Variants in LRRC66 observed in about 807,000 individuals in gnomAD.
The protein encoded by LRRC66 is leucine-rich repeat-containing protein 66.
LRRC66 carries 29 observed loss-of-function variants against 24.6 expected under a neutral mutation model. That is an observed-to-expected ratio of 1.18 (90% CI 0.88 to 1.61). The LOEUF is 1.61. Ranked by LOEUF, LRRC66 falls within the 40% of genes most tolerant of loss-of-function variation. The pLI, the probability that LRRC66 is intolerant of heterozygous loss-of-function variation, is 0.00. For missense variants in LRRC66, 1,124 were observed against 1,058.0 expected (o/e 1.06, Z -0.87); for synonymous variants, 411 against 397.6 (o/e 1.03, Z -0.40).
rs767042097 is a variant in LRRC66, at chr4:51,997,968, C to G, written c.667-31G>C. The stretch of plus-strand genomic sequence containing the variant: ...TGAGAAGAAACAAGTTTAGGATGGT[C>G]TGTGGATAAAGACATTTACAGATAA... On this transcript the variant is annotated intron_variant, in intron 3 of 4. Transcript: ENST00000682860. 1.0e-5 allele frequency: 16 copies of G among 1,577,042 alleles called. No individual in the cohort carries two copies. The East Asian group carries it at 1.3e-4, about 13-fold the overall frequency.
chr4:52,000,748 C>T (rs974571913), intron 3 of LRRC66, among the ~76,000 whole-genome samples: 1 of 152,158 alleles, frequency 6.6e-6, no homozygotes, highest in African/African-American at 2.4e-5. Context: ...ATCCTGCCGA[C>T]GGCCACGTGA....
At chr4:52,006,543 G>T (rs1323848982) in intron 2 of LRRC66, among the ~76,000 whole-genome samples, 2 of 138,694 alleles carry the variant, frequency 1.4e-5, no homozygotes, top group Non-Finnish European at 3.1e-5. Context: ...ACACTCTGGG[G>T]ACTGTTGTGG....
chr4:52,017,356 T>C lies in LRRC66; in HGVS notation c.258A>G (p.Lys86=), dbSNP rs965455194. 1 of 1,614,054 alleles carries C rather than the reference T, an allele frequency of 6.2e-7. No homozygotes were observed. The highest frequency in any genetic ancestry group is 1.3e-5 in the African/African-American group (1 of 74,932). Residue 86 remains lysine, a synonymous_variant, in exon 2 of 5, where the codon AAA becomes AAG. Coordinates refer to ENST00000682860, the MANE Select transcript of LRRC66 (RefSeq NM_001024611.3). Reference sequence around the variant, plus strand: ...TGTTACTGAGGTCCAGATGTTTTATTTTCCACTCTTCTTTTTTCGTGTGAG... The same window carrying C: ...TGTTACTGAGGTCCAGATGTTTTATCTTCCACTCTTCTTTTTTCGTGTGAG... ...LQSHTKKEEW[K]IKHLDLSNNL...
chr4:52,017,799 A>T, intron 1 of LRRC66, 181 bp from the exon 2 acceptor site: 1 of 985,344 alleles, frequency 1.0e-6, no homozygotes, highest in Non-Finnish European at 1.2e-6. Flanking sequence ...TGAAATAGCC[A>T]TAGTATAAAA....
At chr4:51,997,449 A>G (rs1736345884) in intron 4 of LRRC66, among the ~76,000 whole-genome samples, 10 of 152,228 alleles carry the variant, frequency 6.6e-5, no homozygotes, top group Admixed American at 6.5e-4. Flanking sequence ...TTGAGAATAA[A>G]GTTTGGTGTG....
In LRRC66 at chr4:51,996,155, C is replaced by G. The variant is rs771421340; in HGVS notation, c.867G>C (p.Glu289Asp). ...TGCTCTGGGGAGTGCCCCCGTTGGC[C>G]TCCTCACTCCCTGCAAGTGGGATTA... ...VICNRSIGSE[E>D]ANGGTPQSRI... The change falls in exon 5 of 5, where the codon GAG (glutamate) becomes GAC (aspartate). Residue 289 changes from glutamate to aspartate, a missense_variant. Transcript: ENST00000682860. The G allele has an allele frequency of 5.6e-6, 9 of 1,606,170 alleles. No homozygotes were observed. In the East Asian group the frequency reaches 2.0e-4, roughly 36 times the overall value.
At chr4:52,006,696 T>TATAATA (rs71660471) in intron 2 of LRRC66, among the ~76,000 whole-genome samples, 3 of 132,834 alleles carry the variant, frequency 2.3e-5, no homozygotes, top group Non-Finnish European at 4.7e-5. Context: ...AAACTTAAAG[T>TATAATA]ATAATAATAA....
intron 2 of LRRC66, among the ~76,000 whole-genome samples, chr4:52,014,506 C>T (rs2110202960): frequency 6.6e-6 from 1 of 152,226 alleles, no homozygotes; most frequent in South Asian, 2.1e-4. Context: ...ATGAGTAAAT[C>T]TTATATTATC....
At chr4:52,011,364 T>A (rs533919064) in intron 2 of LRRC66, among the ~76,000 whole-genome samples, 2 of 152,294 alleles carry the variant, frequency 1.3e-5, no homozygotes, top group East Asian at 3.9e-4. Flanking sequence ...TTGTTTTAAT[T>A]ATCTTGATAG....
intron 3 of LRRC66, among the ~76,000 whole-genome samples, chr4:52,000,432 C>G (rs1337744654): frequency 6.6e-6 from 1 of 152,126 alleles, no homozygotes; most frequent in Non-Finnish European, 1.5e-5. Context: ...TAGGATGGTC[C>G]CCAGTGATCC....
chr4:52,018,687 T>C (rs1361984542), intron 1 of LRRC66: 2 of 759,822 alleles, frequency 2.6e-6, no homozygotes, highest in Admixed American at 6.3e-5. Flanking sequence ...AAGGGCTCCT[T>C]ATTGCCTATA....
In LRRC66 at chr4:51,994,168, T is replaced by A; in HGVS notation, c.*211A>T. 1.9e-6 allele frequency: 1 copy of A among 538,058 alleles called. No homozygotes were observed. The highest frequency in any genetic ancestry group is 3.1e-5 in the East Asian group (1 of 31,888). The allele number at this position is 538,058 out of a possible 1,614,324, so 33.3% of individuals were successfully genotyped here. ...ACACTGAAGAGCAGGTTCATCCCCA[T>A]AGGATGTTAACAAGTGTGTTTAGCT... is the stretch of plus-strand genomic sequence containing the variant. On this transcript the variant is annotated 3_prime_UTR_variant, in exon 5 of 5. Transcript: ENST00000682860.
rs1736836804 is a variant in LRRC66 at position 52,017,294 on chromosome 4, T to C, written c.320A>G (p.Tyr107Cys). ...GTTTAACACTTCCAAAGCATGTAAATATGCAAAAGGGCTTAAGGTTATTTT... is the reference window on the plus strand; with the variant it reads ...GTTTAACACTTCCAAAGCATGTAAACATGCAAAAGGGCTTAAGGTTATTTT... ...ISKITLSPFAYLHALEVLNLS... is the reference protein window; with the variant it reads ...ISKITLSPFACLHALEVLNLS... The change falls in exon 2 of 5, where the codon TAT becomes TGT. Residue 107 changes from tyrosine (Y) to cysteine (C), a missense_variant. Transcript: ENST00000682860. 1 of 1,614,046 alleles carries C rather than the reference T, an allele frequency of 6.2e-7. No homozygotes were observed. Among genetic ancestry groups the C allele is most frequent in the Non-Finnish European group, 8.5e-7 (1 of 1,180,022 alleles).
intron 2 of LRRC66, among the ~76,000 whole-genome samples, chr4:52,008,592 A>T (rs1736635034): frequency 6.6e-6 from 1 of 152,182 alleles, no homozygotes; most frequent in Non-Finnish European, 1.5e-5. Flanking sequence ...TTCTTATCGG[A>T]AACAATGCAA....
rs749275252 is a variant in LRRC66, at chr4:52,003,204, A to T, written c.666+19T>A. 3 of 1,583,484 alleles carry T rather than the reference A, an allele frequency of 1.9e-6. No homozygotes were observed. In the African/African-American group the frequency reaches 4.1e-5, roughly 22 times the overall value. On this transcript the variant is annotated intron_variant, in intron 3 of 4. Coordinates refer to ENST00000682860, the MANE Select transcript of LRRC66 (RefSeq NM_001024611.3). ...CATGTGTCTTCCTTATTCAAATATT[A>T]TAAAAATGATTTTAGAACCTGTAAT...
chr4:52,002,336 A>G (rs1736472380), intron 3 of LRRC66, among the ~76,000 whole-genome samples: 1 of 152,158 alleles, frequency 6.6e-6, no homozygotes, highest in Admixed American at 6.5e-5. Context: ...GGCCTATACA[A>G]AGAATGGGAG....
chr4:52,012,196 A>G (rs1736721334), intron 2 of LRRC66, among the ~76,000 whole-genome samples: 1 of 151,208 alleles, frequency 6.6e-6, no homozygotes, highest in Non-Finnish European at 1.5e-5. Context: ...TAAAAACAGA[A>G]AAAAAAAAGG....
At position 51,994,730 on chromosome 4, in the gene LRRC66, C is replaced by T. The variant is rs778550001; in HGVS notation, c.2292G>A (p.Gly764=). 4 of 1,614,036 alleles carry T rather than the reference C, an allele frequency of 2.5e-6. No individual in the cohort carries two copies. The highest frequency in any genetic ancestry group is 1.3e-5 in the African/African-American group (1 of 74,918). The part of the protein sequence containing the change: ...EENVTFQTIP[G]KCKNQEDPFE... Reference sequence around the variant, plus strand: ...AGGGATCTTCTTGATTCTTGCATTTCCCTGGAATTGTTTGGAAGGTAACAT... The same window carrying T: ...AGGGATCTTCTTGATTCTTGCATTTTCCTGGAATTGTTTGGAAGGTAACAT... The change falls in exon 5 of 5, where the codon GGG becomes GGA. Residue 764 remains glycine (G), a synonymous_variant. Coordinates refer to ENST00000682860, the MANE Select transcript of LRRC66 (RefSeq NM_001024611.3).
chr4:52,000,665 G>T (rs991149320), intron 3 of LRRC66, among the ~76,000 whole-genome samples: 2 of 152,374 alleles, frequency 1.3e-5, no homozygotes, highest in Middle Eastern at 3.4e-3. Context: ...ACATGGCACA[G>T]AACTGAAGGC....
Sources: allele counts gnomAD v4.1 joint callset (sites outside exome capture counted in the v4.1 genomes callset), GRCh38; gene constraint gnomAD v4.1.1; transcripts MANE v1.5; gene names NCBI Gene and HGNC (gene_info 2026-07-23, HGNC 2026-07-21).